PACS2: variants seen among roughly 807,000 people sequenced by gnomAD.
PACS2 encodes the protein PACS1-like protein.
PACS2 carries 36 observed loss-of-function variants against 113.0 expected under a neutral mutation model. The ratio of observed to expected loss-of-function variants is 0.32; its 90% CI spans 0.24 to 0.42. The LOEUF is 0.42. Among genes scored for constraint, PACS2 ranks in the 10% least tolerant of loss-of-function variants. The pLI is 1.00. For missense variants in PACS2, 1,015 were observed against 1,239.5 expected (o/e 0.82, Z 2.72); for synonymous variants, 589 against 536.1 (o/e 1.10, Z -1.36).
At position 105,354,857 on chromosome 14, in the gene PACS2, T is replaced by G; in HGVS notation, c.298-195T>G. On this transcript the variant is annotated intron_variant, in intron 3 of 24. Coordinates refer to ENST00000447393, the MANE Select transcript of PACS2 (RefSeq NM_001100913.3). The surrounding 1 kb of genome is among the most constrained non-coding windows in gnomAD (Gnocchi z 4.2). The stretch of plus-strand genomic sequence containing the variant: ...GGCGACTGGCTCACTCTTGATTGTG[T>G]TGGGTAAAGGATGGGCTCTGGGGAC... Among the ~76,000 whole-genome samples the G allele has an allele frequency of 6.6e-6, 1 of 152,114 alleles. No homozygotes were observed. The highest frequency in any genetic ancestry group is 1.5e-5 in the Non-Finnish European group (1 of 67,992).
At position 105,355,501 on chromosome 14, in the gene PACS2, A is replaced by G. The variant is rs782348074; in HGVS notation, c.423+324A>G. Among the ~76,000 whole-genome samples, 69 of 152,330 alleles carry G rather than the reference A, an allele frequency of 4.5e-4. 1 individual carries two copies. The highest frequency in any genetic ancestry group is 3.4e-3 in the Middle Eastern group (1 of 294). On this transcript the variant is annotated intron_variant, in intron 4 of 24. Transcript: ENST00000447393. This position sits in a 1 kb window ranked among gnomAD's most constrained non-coding sequence, Gnocchi z 4.1. ...GCTCTGGAGTCCTTCCCATGGAGGA[A>G]TCGCTGCTGTCCCCACACCACGGGT...
chr14:105,382,588 G>A lies in PACS2; in HGVS notation c.1518+7G>A. 1.3e-6 allele frequency: 2 copies of A among 1,560,170 alleles called. No individual in the cohort carries two copies. Among genetic ancestry groups the A allele is most frequent in the Middle Eastern group, 3.4e-4 (2 of 5,966 alleles). The stretch of plus-strand genomic sequence containing the variant: ...CTCGGACTGGCAGGGGCAGGTAGAG[G>A]GGCAGTCTCTTGGAGTGGAGGGTCA... On this transcript the variant is annotated splice_region_variant and intron_variant, in intron 14 of 24. Transcript: ENST00000447393.
chr14:105,381,980 G>A lies in PACS2; in HGVS notation c.1335G>A (p.Arg445=). The change falls in exon 13 of 25, where the codon CGG becomes CGA. Residue 445 remains arginine (R), a synonymous_variant. Transcript: ENST00000447393. ...CCTTGAAGGAGCGGCAGGCAGCACGGCCCCAGAATGAGCGGGCCAACAGCC... is the reference window on the plus strand; with the variant it reads ...CCTTGAAGGAGCGGCAGGCAGCACGACCCCAGAATGAGCGGGCCAACAGCC... ...STSLKERQAA[R]PQNERANSLD... 6.5e-7 allele frequency: 1 copy of A among 1,550,250 alleles called. No individual in the cohort carries two copies.
intron 24 of PACS2, chr14:105,394,236 G>A (rs921243349): frequency 1.0e-6 from 1 of 985,226 alleles, no homozygotes; most frequent in African/African-American, 1.7e-5. Context: ...AGGTGGAAGT[G>A]GATGTGGACG....
At chr14:105,382,328 G>C (rs2081022931) in intron 13 of PACS2, 149 bp from the exon 14 acceptor site, 2 of 701,372 alleles carry the variant, frequency 2.9e-6, no homozygotes, top group Non-Finnish European at 5.0e-6. Context: ...TTTAGCCCAG[G>C]GCAGTTCTCC....
rs1555416684 is a variant in PACS2, at chr14:105,396,299, C to T, written c.*1627C>T. The stretch of plus-strand genomic sequence containing the variant: ...GGGACCAGGAGCCTGGGGCACACCC[C>T]AGGGTGGGGGAGAGGGTAGGAAGGT... On this transcript the variant is annotated 3_prime_UTR_variant, in exon 25 of 25. Transcript: ENST00000447393. 6.6e-6 allele frequency: 1 copy of T among 152,324 alleles called. No homozygotes were observed. Among genetic ancestry groups the T allele is most frequent in the East Asian group, 1.9e-4 (1 of 5,174 alleles). The allele number at this position is 152,324 out of a possible 1,614,324, so 9.4% of individuals were successfully genotyped here. A position where few individuals can be genotyped will look rare whatever the true frequency, so the allele number is the denominator to read the frequency against.
intron 1 of PACS2, among the ~76,000 whole-genome samples, chr14:105,342,279 TGAGAGA>T (rs149088527): frequency 1.3e-5 from 2 of 151,092 alleles, no homozygotes; most frequent in East Asian, 1.9e-4. Flanking sequence ...TGTCTATGTG[TGAGAGA>T]GAGAGAGACA....
intron 4 of PACS2, among the ~76,000 whole-genome samples, chr14:105,364,863 T>C (rs982498253): frequency 4.6e-5 from 7 of 152,026 alleles, no homozygotes; most frequent in Non-Finnish European, 1.0e-4. Context: ...GCCCAGCTAA[T>C]TTTTTATACT....
At chr14:105,363,375 A>C (rs1289036255) in intron 4 of PACS2, among the ~76,000 whole-genome samples, 1 of 152,196 alleles carries the variant, frequency 6.6e-6, no homozygotes, top group Non-Finnish European at 1.5e-5. Context: ...CTTCGTCAAG[A>C]TCTGAACTAG....
intron 16 of PACS2, chr14:105,383,840 ACT>A: frequency 2.9e-6 from 1 of 342,836 alleles, no homozygotes; most frequent in South Asian, 4.5e-5. Flanking sequence ...CGCTGTGATA[ACT>A]CTATGCCAGT....
rs2080795603 is a variant in PACS2, at chr14:105,376,756, G to A, written c.802-12G>A. On this transcript the variant is annotated splice_polypyrimidine_tract_variant and intron_variant, in intron 8 of 24. Coordinates refer to ENST00000447393, the MANE Select transcript of PACS2 (RefSeq NM_001100913.3). The surrounding 1 kb of genome is among the most constrained non-coding windows in gnomAD (Gnocchi z 4.7). Reference sequence around the variant, plus strand: ...GCTGCAGGGAACTCACGCGTGCCTGGCACCCGTGCAGGTCCTGGACTCGGA... The same window carrying A: ...GCTGCAGGGAACTCACGCGTGCCTGACACCCGTGCAGGTCCTGGACTCGGA... The A allele has an allele frequency of 1.2e-6, 2 of 1,610,860 alleles. No individual in the cohort carries two copies. Among genetic ancestry groups the A allele is most frequent in the African/African-American group, 1.3e-5 (1 of 74,926 alleles).
intron 19 of PACS2, among the ~76,000 whole-genome samples, chr14:105,387,214 C>T (rs2081206300): frequency 6.6e-6 from 1 of 152,228 alleles, no homozygotes; most frequent in African/African-American, 2.4e-5. Context: ...CAGGCGGTGG[C>T]ACAGCCCTTG....
rs913507048 is a variant in PACS2, at chr14:105,355,493, A to G, written c.423+316A>G. Among the ~76,000 whole-genome samples, 3 of 152,148 alleles carry G rather than the reference A, an allele frequency of 2.0e-5. No homozygotes were observed. Among genetic ancestry groups the G allele is most frequent in the Admixed American group, 6.5e-5 (1 of 15,280 alleles). ...GTCAGGCTGCTCTGGAGTCCTTCCCATGGAGGAATCGCTGCTGTCCCCACA... is the reference window on the plus strand; with the variant it reads ...GTCAGGCTGCTCTGGAGTCCTTCCCGTGGAGGAATCGCTGCTGTCCCCACA... On this transcript the variant is annotated intron_variant, in intron 4 of 24. Coordinates refer to ENST00000447393, the MANE Select transcript of PACS2 (RefSeq NM_001100913.3). This position sits in a 1 kb window ranked among gnomAD's most constrained non-coding sequence, Gnocchi z 4.1.
chr14:105,333,090 G>T (rs772970613), intron 1 of PACS2, among the ~76,000 whole-genome samples: 9 of 149,126 alleles, frequency 6.0e-5, no homozygotes, highest in Admixed American at 2.0e-4. Context: ...CAACTGGCGT[G>T]GGTGTGAGAG....
intron 8 of PACS2, among the ~76,000 whole-genome samples, chr14:105,375,963 G>A (rs2061339772): frequency 6.6e-6 from 1 of 152,218 alleles, no homozygotes; most frequent in African/African-American, 2.4e-5. Flanking sequence ...AGTTCAGCAT[G>A]GCTGGGGAGG....
At chr14:105,343,800 A>G (rs2059822237) in intron 1 of PACS2, among the ~76,000 whole-genome samples, 1 of 151,768 alleles carries the variant, frequency 6.6e-6, no homozygotes, top group Admixed American at 6.6e-5. Flanking sequence ...GGTTCAAGCA[A>G]TTCCCCTGCC....
rs2081486854 is a variant in PACS2 at position 105,394,722 on chromosome 14, G to T, written c.*50G>T. 2 of 1,126,698 alleles carry T rather than the reference G, an allele frequency of 1.8e-6. No homozygotes were observed. The highest frequency in any genetic ancestry group is 1.2e-5 in the South Asian group (1 of 81,530). 69.8% of individuals were successfully genotyped at this position (1,126,698 alleles called of 1,614,324 possible). ...CCTGCCCCATGCTGTGAGGGGCCCAGCTGCATTTCTGTTAACATTTCAGTT... is the reference window on the plus strand; with the variant it reads ...CCTGCCCCATGCTGTGAGGGGCCCATCTGCATTTCTGTTAACATTTCAGTT... On this transcript the variant is annotated 3_prime_UTR_variant, in exon 25 of 25. Transcript: ENST00000447393.
At position 105,308,481 on chromosome 14, in the gene PACS2, C is replaced by CTTT. The variant is rs1227708197; in HGVS notation, c.-83+7519_-83+7521dup. On this transcript the variant is annotated intron_variant, in intron 1 of 23. Transcript: ENST00000430725. Reference sequence around the variant, plus strand: ...TGGGCACGACAGAGGCAGATTCTGTCTTTTTTTTTTTTTTTTTTTGAGATG... The same window carrying CTTT: ...TGGGCACGACAGAGGCAGATTCTGTCTTTTTTTTTTTTTTTTTTTTTTGAGATG... Among the ~76,000 whole-genome samples, 1,106 of 124,582 alleles carry CTTT rather than the reference C, an allele frequency of 8.9e-3. 30 individuals carry two copies. Among genetic ancestry groups the CTTT allele is most frequent in the African/African-American group, 0.034 (1,041 of 30,986 alleles). 81.7% of individuals were successfully genotyped at this position (124,582 alleles called of 152,430 possible).
chr14:105,308,895 G>A (rs1046212556), intron 1 of PACS2, among the ~76,000 whole-genome samples: 2 of 152,016 alleles, frequency 1.3e-5, no homozygotes, highest in African/African-American at 2.4e-5. Context: ...GATGGTTTGA[G>A]TCCAGGAGAT....
Sources: gnomAD v4.1 joint callset for allele counts (sites outside exome capture counted in the v4.1 genomes callset) on GRCh38, gnomAD v4.1.1 for gene constraint, Gnocchi (gnomAD v3.1) non-coding constraint, MANE v1.5 for transcripts, NCBI Gene and HGNC (gene_info 2026-07-23, HGNC 2026-07-21) for gene names.